ST6GALNAC3: variants seen among roughly 807,000 people sequenced by gnomAD.
ST6GALNAC3 encodes ST6 N-acetylgalactosaminide alpha-2,6-sialyltransferase 3, also known as alpha-N-acetylgalactosaminide alpha-2,6-sialyltransferase 3.
A neutral mutation model predicts 32.7 loss-of-function variants in ST6GALNAC3; 25 were observed. The ratio of observed to expected loss-of-function variants is 0.76; its 90% CI spans 0.56 to 1.07. The LOEUF is 1.07. Among genes scored for constraint, ST6GALNAC3 ranks in the 50% least tolerant of loss-of-function variants. ST6GALNAC3 has a pLI of 0.00. For synonymous variants in ST6GALNAC3, 129 were observed against 133.1 expected, an observed-to-expected ratio of 0.97 and a Z score of 0.21; for missense variants, 355 against 382.4, an observed-to-expected ratio of 0.93 and a Z score of 0.60.
chr1:76,423,059 T>C (rs1255756745), intron 3 of ST6GALNAC3, among the ~76,000 whole-genome samples: 1 of 152,032 alleles, frequency 6.6e-6, no homozygotes, highest in Non-Finnish European at 1.5e-5. Flanking sequence ...TTTGTGTGTA[T>C]GTTCAACCTG....
At position 76,412,370 on chromosome 1, in the gene ST6GALNAC3, C is replaced by T. The variant is rs768289939; in HGVS notation, c.576C>T (p.Arg192=). 1.4e-5 allele frequency: 23 copies of T among 1,612,388 alleles called. No individual in the cohort carries two copies. In the Admixed American group the frequency reaches 2.8e-4, roughly 20 times the overall value. ...NAQIYVTTEK[R]MSYCDGVFKK... is the part of the protein sequence containing the mutation. ...AAATATACGTGACCACAGAGAAGCG[C>T]ATGAGTTACTGTGATGGAGTTTTTA... is the stretch of plus-strand genomic sequence containing the variant. The change falls in exon 3 of 5, where the codon CGC becomes CGT. Residue 192 remains arginine (R), a synonymous_variant. Coordinates refer to ENST00000328299, the MANE Select transcript of ST6GALNAC3 (RefSeq NM_152996.4).
In ST6GALNAC3 at chr1:76,412,183, A is replaced by G. The variant is rs1444744706; in HGVS notation, c.389A>G (p.His130Arg). ...ATGACCATGATTCGAGTTGTGTCCC[A>G]TACCAGCGTTCCTCTTTTGCTAAAA... ...GRMTMIRVVS[H>R]TSVPLLLKNP... is the part of the protein sequence containing the mutation. The change falls in exon 3 of 5, where the codon CAT (histidine) becomes CGT (arginine). Residue 130 changes from histidine to arginine, a missense_variant. By Grantham distance (29) the His-to-Arg change is conservative. Coordinates refer to ENST00000328299, the MANE Select transcript of ST6GALNAC3 (RefSeq NM_152996.4). 6.2e-7 allele frequency: 1 copy of G among 1,613,826 alleles called. No homozygotes were observed. The highest frequency in any genetic ancestry group is 8.5e-7 in the Non-Finnish European group (1 of 1,179,830).
At chr1:76,426,913 A>G (rs1346048668) in intron 3 of ST6GALNAC3, among the ~76,000 whole-genome samples, 4 of 152,046 alleles carry the variant, frequency 2.6e-5, no homozygotes, top group Non-Finnish European at 5.9e-5. Flanking sequence ...TGTGTGGCAC[A>G]TGATTGTTTA....
chr1:76,107,006 C>T (rs1464502542), intron 1 of ST6GALNAC3, among the ~76,000 whole-genome samples: 1 of 152,136 alleles, frequency 6.6e-6, no homozygotes, highest in East Asian at 1.9e-4. Flanking sequence ...TCCTGTGAGC[C>T]AGAAGGGTAA....
intron 2 of ST6GALNAC3, among the ~76,000 whole-genome samples, chr1:76,326,326 G>C (rs955137612): frequency 2.6e-5 from 4 of 152,136 alleles, no homozygotes; most frequent in South Asian, 2.1e-4. Flanking sequence ...CAAAATGAAG[G>C]GGGGAGTAAA....
intron 1 of ST6GALNAC3, among the ~76,000 whole-genome samples, chr1:76,255,041 T>TA (rs1006619706): frequency 1.3e-5 from 2 of 151,716 alleles, no homozygotes; most frequent in Non-Finnish European, 2.9e-5. Context: ...TTTTTTTTTT[T>TA]TTAAACTGGC....
intron 2 of ST6GALNAC3, among the ~76,000 whole-genome samples, chr1:76,324,099 G>A (rs922602925): frequency 8.6e-5 from 13 of 151,710 alleles, no homozygotes; most frequent in Non-Finnish European, 1.6e-4. Flanking sequence ...AGCCTGATCC[G>A]CCCGCCTTGG....
chr1:76,629,956 G>A lies in ST6GALNAC3; in HGVS notation c.*1150G>A. 1.0e-6 allele frequency: 1 copy of A among 985,018 alleles called. No individual in the cohort carries two copies. The highest frequency in any genetic ancestry group is 4.7e-5 in the South Asian group (1 of 21,264). 61.0% of individuals were successfully genotyped at this position (985,018 alleles called of 1,614,324 possible). On this transcript the variant is annotated 3_prime_UTR_variant, in exon 5 of 5. Transcript: ENST00000328299. ...CTTCTAGGGATTTATTTTTCCCATA[G>A]TGTATCAGTTGTTATGCCACAATAA...
chr1:76,222,881 T>C (rs1249383426), intron 1 of ST6GALNAC3, among the ~76,000 whole-genome samples: 1 of 152,070 alleles, frequency 6.6e-6, no homozygotes, highest in Non-Finnish European at 1.5e-5. Flanking sequence ...CAATGGCTAT[T>C]ACTAAAAAGC....
At chr1:76,357,389 G>A (rs182035474) in intron 2 of ST6GALNAC3, among the ~76,000 whole-genome samples, 220 of 152,120 alleles carry the variant, frequency 1.4e-3, no homozygotes, top group African/African-American at 5.1e-3. Flanking sequence ...ACCCGCCTTG[G>A]CCTCCAAAAG....
intron 1 of ST6GALNAC3, among the ~76,000 whole-genome samples, chr1:76,261,904 A>G (rs1658260860): frequency 6.6e-6 from 1 of 152,186 alleles, no homozygotes; most frequent in East Asian, 1.9e-4. Flanking sequence ...CAGTCACTAA[A>G]CCACATTTTG....
chr1:76,121,092 G>C (rs192593406), intron 1 of ST6GALNAC3, among the ~76,000 whole-genome samples: 7 of 152,244 alleles, frequency 4.6e-5, no homozygotes, highest in Admixed American at 4.6e-4. Context: ...ATTACAATGA[G>C]GTTCACCTAG....
chr1:76,405,882 G>A (rs1291280977), intron 2 of ST6GALNAC3, among the ~76,000 whole-genome samples: 2 of 151,832 alleles, frequency 1.3e-5, no homozygotes, highest in African/African-American at 4.8e-5. Flanking sequence ...TACAAACAAG[G>A]AAATAAGGCT....
At chr1:76,364,639 GA>G (rs970105798) in intron 2 of ST6GALNAC3, among the ~76,000 whole-genome samples, 50 of 149,160 alleles carry the variant, frequency 3.4e-4, no homozygotes, top group Middle Eastern at 3.4e-3. Context: ...AACTCAACAA[GA>G]AAAAAAAACC....
At position 76,529,554 on chromosome 1, in the gene ST6GALNAC3, CAAAT is replaced by C. The variant is rs202043244; in HGVS notation, c.624-97894_624-97891del. On this transcript the variant is annotated intron_variant, in intron 3 of 4. Coordinates refer to ENST00000328299, the MANE Select transcript of ST6GALNAC3 (RefSeq NM_152996.4). ...GTTATTTGAATGATATTCATACACTCAAATAAAAGTTTAGCCCAATCCCAATTAT... is the reference window on the plus strand; with the variant it reads ...GTTATTTGAATGATATTCATACACTCAAAAGTTTAGCCCAATCCCAATTAT... 7.5e-3 allele frequency among the ~76,000 whole-genome samples: 1,148 copies of C among 152,230 alleles called. 15 individuals are homozygous for C. The highest frequency in any genetic ancestry group is 0.027 in the African/African-American group (1,105 of 41,540).
intron 2 of ST6GALNAC3, among the ~76,000 whole-genome samples, chr1:76,340,486 G>A (rs1481506767): frequency 2.6e-5 from 4 of 152,142 alleles, no homozygotes; most frequent in Admixed American, 2.6e-4. Flanking sequence ...CATACAAAGA[G>A]AGAAATCATC....
intron 1 of ST6GALNAC3, among the ~76,000 whole-genome samples, chr1:76,280,927 C>T (rs1659461146): frequency 6.6e-6 from 1 of 152,238 alleles, no homozygotes; most frequent in Admixed American, 6.5e-5. Flanking sequence ...CTCCACCCAA[C>T]TATGCATTTA....
downstream of ST6GALNAC3, chr1:76,634,685 A>ATTTTTTTT (rs755148916): frequency 1.7e-4 from 8 of 47,352 alleles, 1 homozygote; most frequent in Middle Eastern, 0.026. Context: ...GCGGTATGGG[A>ATTTTTTTT]TTTTTTTTTT....
At chr1:76,220,909 GAC>G (rs1368494427) in intron 1 of ST6GALNAC3, among the ~76,000 whole-genome samples, 1 of 152,198 alleles carries the variant, frequency 6.6e-6, no homozygotes, top group Non-Finnish European at 1.5e-5. Flanking sequence ...TCCCAGTCTT[GAC>G]AGGTGCATAG....
Sources: gnomAD v4.1 joint callset for allele counts (sites outside exome capture counted in the v4.1 genomes callset) on GRCh38, gnomAD v4.1.1 for gene constraint, MANE v1.5 for transcripts, NCBI Gene and HGNC (gene_info 2026-07-23, HGNC 2026-07-21) for gene names.